The following GMDS variants were observed in gnomAD, a reference collection of about 807,000 sequenced individuals.
The protein encoded by GMDS is GDP-mannose 4,6-dehydratase, also known as GDP-mannose 4,6 dehydratase.
Under a neutral mutation model 49.9 loss-of-function variants are expected in GMDS, and 20 were observed. The observed-to-expected ratio is 0.40, with a 90% CI of 0.28 to 0.58. GMDS has a LOEUF of 0.58. Among genes scored for constraint, GMDS ranks in the 20% least tolerant of loss-of-function variants. The pLI is 0.42. For synonymous variants in GMDS, 177 were observed against 178.6 expected, an observed-to-expected ratio of 0.99 and a Z score of 0.07; for missense variants, 362 against 481.4, an observed-to-expected ratio of 0.75 and a Z score of 2.32.
intron 7 of GMDS, among the ~76,000 whole-genome samples, chr6:1,908,497 A>G (rs1461347168): frequency 6.6e-6 from 1 of 152,218 alleles, no homozygotes. Context: ...TATTTTCTTG[A>G]ATCAAAATTT....
At chr6:1,942,426 A>G (rs929932910) in intron 6 of GMDS, among the ~76,000 whole-genome samples, 4 of 152,152 alleles carry the variant, frequency 2.6e-5, no homozygotes, top group African/African-American at 7.2e-5. Context: ...TAACCCTGCC[A>G]TCCTGACTGC....
intron 9 of GMDS, among the ~76,000 whole-genome samples, chr6:1,713,827 G>A (rs1766071558): frequency 6.6e-6 from 1 of 152,002 alleles, no homozygotes; most frequent in African/African-American, 2.4e-5. Flanking sequence ...CATCCTCACT[G>A]TAAGTTAACA....
At chr6:1,913,208 C>T (rs1284602658) in intron 7 of GMDS, among the ~76,000 whole-genome samples, 2 of 151,342 alleles carry the variant, frequency 1.3e-5, no homozygotes, top group Non-Finnish European at 2.9e-5. Context: ...GGTGAAACCC[C>T]GTCTCTACTA....
At chr6:1,782,817 A>C (rs1324735479) in intron 7 of GMDS, among the ~76,000 whole-genome samples, 1 of 152,242 alleles carries the variant, frequency 6.6e-6, no homozygotes, top group Non-Finnish European at 1.5e-5. Flanking sequence ...TCTAATTCTC[A>C]GAATAACGTT....
intron 6 of GMDS, among the ~76,000 whole-genome samples, chr6:1,931,586 C>T (rs1302628387): frequency 6.6e-6 from 1 of 152,172 alleles, no homozygotes; most frequent in Non-Finnish European, 1.5e-5. Flanking sequence ...TGAAAAACTA[C>T]TTATTAGCCA....
At chr6:2,226,547 A>G (rs753331117) in intron 1 of GMDS, among the ~76,000 whole-genome samples, 6 of 152,222 alleles carry the variant, frequency 3.9e-5, no homozygotes, top group Non-Finnish European at 8.8e-5. Context: ...AACAACAGAG[A>G]TATTATAACC....
intron 4 of GMDS, among the ~76,000 whole-genome samples, chr6:2,114,247 T>C (rs1303683410): frequency 6.6e-6 from 1 of 152,182 alleles, no homozygotes; most frequent in Non-Finnish European, 1.5e-5. Flanking sequence ...AACTTCTTAA[T>C]CTAAAGGAAA....
chr6:2,116,386 G>A (rs1382634219), intron 3 of GMDS, among the ~76,000 whole-genome samples: 1 of 152,072 alleles, frequency 6.6e-6, no homozygotes, highest in Non-Finnish European at 1.5e-5. Flanking sequence ...TTGATTGAAG[G>A]ACAACTCCTA....
intron 6 of GMDS, among the ~76,000 whole-genome samples, chr6:1,958,686 T>C (rs960427820): frequency 1.3e-5 from 2 of 152,176 alleles, no homozygotes; most frequent in Non-Finnish European, 2.9e-5. Flanking sequence ...TCATGACTTG[T>C]TGGTGTAATT....
At chr6:1,838,335 A>G (rs929831725) in intron 7 of GMDS, among the ~76,000 whole-genome samples, 1 of 152,242 alleles carries the variant, frequency 6.6e-6, no homozygotes, top group African/African-American at 2.4e-5. Context: ...ATTAAGGCAA[A>G]TCATGTTTGC....
At chr6:2,180,728 G>T (rs1778482710) in intron 1 of GMDS, among the ~76,000 whole-genome samples, 2 of 152,116 alleles carry the variant, frequency 1.3e-5, no homozygotes, top group Non-Finnish European at 2.9e-5. Flanking sequence ...TAATTCCAAA[G>T]AATTTTACAA....
intron 1 of GMDS, among the ~76,000 whole-genome samples, chr6:2,177,445 C>A (rs1045247617): frequency 4.6e-5 from 7 of 152,246 alleles, no homozygotes; most frequent in East Asian, 3.9e-4. Context: ...AAATCCTCAA[C>A]AAAATACTGG....
At chr6:2,209,096 G>T (rs1364200570) in intron 1 of GMDS, among the ~76,000 whole-genome samples, 1 of 152,098 alleles carries the variant, frequency 6.6e-6, no homozygotes, top group African/African-American at 2.4e-5. Context: ...AATAAAAAAA[G>T]AAATCAAGAT....
rs982565639 is a variant in GMDS at position 1,766,343 on chromosome 6, G to A, written c.772-23757C>T. Among the ~76,000 whole-genome samples, 3 of 152,146 alleles carry A rather than the reference G, an allele frequency of 2.0e-5. No individual in the cohort carries two copies. Among genetic ancestry groups the A allele is most frequent in the African/African-American group, 7.2e-5 (3 of 41,428 alleles). On this transcript the variant is annotated intron_variant, in intron 7 of 10. Coordinates refer to ENST00000380815, the MANE Select transcript of GMDS (RefSeq NM_001500.4). The surrounding 1 kb of genome is among the most constrained non-coding windows in gnomAD (Gnocchi z 4.5). ...GGGCTTCAGGAAACGCGGTGCATGA[G>A]CTGTTTCAGGTGCTGGGGAAAGGCT...
chr6:2,108,209 T>C (rs949401784), intron 4 of GMDS, among the ~76,000 whole-genome samples: 4 of 152,324 alleles, frequency 2.6e-5, no homozygotes, highest in Admixed American at 1.3e-4. Flanking sequence ...ATTATACTTA[T>C]ATAACTGACT....
intron 9 of GMDS, among the ~76,000 whole-genome samples, chr6:1,636,047 T>C (rs900105475): frequency 1.3e-5 from 2 of 152,188 alleles, no homozygotes; most frequent in Non-Finnish European, 2.9e-5. Context: ...AAAAGAGACA[T>C]TCCCAGAATG....
chr6:2,021,462 A>ATT (rs1403427984), intron 4 of GMDS, among the ~76,000 whole-genome samples: 1 of 152,186 alleles, frequency 6.6e-6, no homozygotes, highest in Non-Finnish European at 1.5e-5. Context: ...CCTAATAATA[A>ATT]AGAGACATAA....
intron 1 of GMDS, among the ~76,000 whole-genome samples, chr6:2,201,955 A>T (rs1314190673): frequency 7.5e-6 from 1 of 133,422 alleles, no homozygotes; most frequent in African/African-American, 2.8e-5. Context: ...AGATGAAACC[A>T]TCTAGGCAGT....
chr6:2,076,175 G>T (rs897863553), intron 4 of GMDS, among the ~76,000 whole-genome samples: 7 of 152,046 alleles, frequency 4.6e-5, no homozygotes, highest in Admixed American at 2.0e-4. Flanking sequence ...TGCGTAGATT[G>T]CAAAAATTTT....
Sources: gnomAD v4.1 joint callset for allele counts (sites outside exome capture counted in the v4.1 genomes callset) on GRCh38, gnomAD v4.1.1 for gene constraint, Gnocchi (gnomAD v3.1) non-coding constraint, MANE v1.5 for transcripts, NCBI Gene and HGNC (gene_info 2026-07-23, HGNC 2026-07-21) for gene names.